Variants in PCDHGA8 observed in about 807,000 individuals in gnomAD.
PCDHGA8 encodes the protein protocadherin gamma-A8.
A neutral mutation model predicts 59.2 loss-of-function variants in PCDHGA8; 45 were observed. The observed-to-expected ratio is 0.76, with a 90% CI of 0.60 to 0.98. The LOEUF (loss-of-function observed/expected upper bound fraction) is 0.98. Ranked by LOEUF, PCDHGA8 falls within the 50% of genes least tolerant of loss-of-function variation. The pLI is 0.00. For synonymous variants in PCDHGA8, 531 were observed against 519.0 expected, an observed-to-expected ratio of 1.02 and a Z score of -0.32; for missense variants, 1,257 against 1,196.2, an observed-to-expected ratio of 1.05 and a Z score of -0.75.
chr5:141,400,515 T>C lies in PCDHGA8; in HGVS notation c.2424+5278T>C, dbSNP rs367864769. On this transcript the variant is annotated intron_variant, in intron 1 of 3. Coordinates refer to ENST00000398604, the MANE Select transcript of PCDHGA8 (RefSeq NM_032088.2). ...GTAATTCCAGCGAGTCGACTTCCCATCCTGAGTTGGTGAGTTTCATTTATG... is the reference window on the plus strand; with the variant it reads ...GTAATTCCAGCGAGTCGACTTCCCACCCTGAGTTGGTGAGTTTCATTTATG... 2,129 of 1,613,988 alleles carry C rather than the reference T, an allele frequency of 1.3e-3. 41 individuals are homozygous for C. In the South Asian group the frequency reaches 0.02, roughly 15 times the overall value.
chr5:141,485,949 T>C lies in PCDHGA8; in HGVS notation c.2425-8858T>C. Reference sequence around the variant, plus strand: ...GTGTTGGAGAGCGCACCAGCGGGCATGGTGCTCATCCAGCTCAATGCCTCA... The same window carrying C: ...GTGTTGGAGAGCGCACCAGCGGGCACGGTGCTCATCCAGCTCAATGCCTCA... On this transcript the variant is annotated intron_variant, in intron 1 of 3. Transcript: ENST00000398604. This position sits in a 1 kb window ranked among gnomAD's most constrained non-coding sequence, Gnocchi z 5.7. 2 of 1,614,178 alleles carry C rather than the reference T, an allele frequency of 1.2e-6. No individual in the cohort carries two copies.
rs1191643556 is a variant in PCDHGA8, at chr5:141,486,302, C to T, written c.2425-8505C>T. The T allele has an allele frequency of 2.5e-6, 4 of 1,613,918 alleles. No individual in the cohort carries two copies. The highest frequency in any genetic ancestry group is 3.4e-6 in the Non-Finnish European group (4 of 1,180,002). Reference sequence around the variant, plus strand: ...GGTGGCACTTATCAGTGTGCAGGATCCAGACTCAGGGTCAAACGGAGATGT... The same window carrying T: ...GGTGGCACTTATCAGTGTGCAGGATTCAGACTCAGGGTCAAACGGAGATGT... On this transcript the variant is annotated intron_variant, in intron 1 of 3. Coordinates refer to ENST00000398604, the MANE Select transcript of PCDHGA8 (RefSeq NM_032088.2). This position sits in a 1 kb window ranked among gnomAD's most constrained non-coding sequence, Gnocchi z 5.0.
Position 141,393,882 on chromosome 5 carries a change from T to G in PCDHGA8, c.1069T>G (p.Leu357Val), listed in dbSNP as rs1471060639. Residue 357 changes from leucine to valine, a missense_variant, in exon 1 of 4, where the codon TTA becomes GTA. Coordinates refer to ENST00000398604, the MANE Select transcript of PCDHGA8 (RefSeq NM_032088.2). ...CATTACGTCTTTGTTTAGCCCAGTG[T>G]TAGAAAATTCTCTTCCCGGGACAGT... is the stretch of plus-strand genomic sequence containing the variant. Reference protein sequence around the residue: ...VIITSLFSPVLENSLPGTVIA... With the variant: ...VIITSLFSPVVENSLPGTVIA... The G allele has an allele frequency of 6.2e-7, 1 of 1,614,028 alleles. No homozygotes were observed. Among genetic ancestry groups the G allele is most frequent in the South Asian group, 1.1e-5 (1 of 91,088 alleles).
At chr5:141,449,198 A>C (rs2098631518) in intron 1 of PCDHGA8, among the ~76,000 whole-genome samples, 1 of 152,188 alleles carries the variant, frequency 6.6e-6, no homozygotes, top group Non-Finnish European at 1.5e-5. Context: ...AAGAAGTGTT[A>C]ATTCTAACTT....
chr5:141,460,608 T>A (rs2098993153), intron 1 of PCDHGA8, among the ~76,000 whole-genome samples: 1 of 152,186 alleles, frequency 6.6e-6, no homozygotes, highest in Non-Finnish European at 1.5e-5. Context: ...CTGTGTTAGA[T>A]GGATAGATAG....
chr5:141,470,870 G>GT (rs1230952624), intron 1 of PCDHGA8, among the ~76,000 whole-genome samples: 1 of 151,546 alleles, frequency 6.6e-6, no homozygotes, highest in Non-Finnish European at 1.5e-5. Context: ...TTGTTTGTTT[G>GT]TTTTTTTGTT....
intron 1 of PCDHGA8, among the ~76,000 whole-genome samples, chr5:141,401,573 G>A (rs372919699): frequency 4.6e-5 from 7 of 152,128 alleles, no homozygotes; most frequent in East Asian, 3.9e-4. Context: ...TCTCTTGCTC[G>A]GAATCCTGAC....
chr5:141,510,553 A>C (rs1471878583), intron 3 of PCDHGA8, among the ~76,000 whole-genome samples: 1 of 152,162 alleles, frequency 6.6e-6, no homozygotes, highest in African/African-American at 2.4e-5. Context: ...TGTTTTGAGC[A>C]CTTACATCTA....
At chr5:141,496,588 C>T (rs775641672) in intron 2 of PCDHGA8, among the ~76,000 whole-genome samples, 9 of 152,280 alleles carry the variant, frequency 5.9e-5, no homozygotes, top group Non-Finnish European at 1.0e-4. Context: ...GAACGCAAAG[C>T]GCTTCTTAGA....
chr5:141,456,748 A>C (rs1448893002), intron 1 of PCDHGA8, among the ~76,000 whole-genome samples: 1 of 151,852 alleles, frequency 6.6e-6, no homozygotes, highest in Non-Finnish European at 1.5e-5. Context: ...GAGCATCATG[A>C]GGTCAGGAGT....
chr5:141,478,378 G>C, intron 1 of PCDHGA8: 1 of 1,613,558 alleles, frequency 6.2e-7, no homozygotes, highest in Non-Finnish European at 8.5e-7. Flanking sequence ...TGATGTCGCC[G>C]CACCTTTACC....
At chr5:141,454,838 C>G (rs1472341694) in intron 1 of PCDHGA8, among the ~76,000 whole-genome samples, 1 of 100,816 alleles carries the variant, frequency 9.9e-6, no homozygotes, top group South Asian at 3.5e-4. Flanking sequence ...GACAGAGTCG[C>G]GCTCTGTCAC....
chr5:141,402,915 C>G (rs1232523303), intron 1 of PCDHGA8: 2 of 1,564,688 alleles, frequency 1.3e-6, no homozygotes, highest in Admixed American at 1.9e-5. Flanking sequence ...GCAGCGCGCA[C>G]AGAGATCCTT....
chr5:141,455,822 CCCCTTTTCCTGT>C (rs2098832641), intron 1 of PCDHGA8, among the ~76,000 whole-genome samples: 2 of 151,688 alleles, frequency 1.3e-5, no homozygotes, highest in African/African-American at 4.8e-5. Flanking sequence ...TTCCCAAGGA[CCCCTTTTCCTGT>C]CTATCTGCAT....
intron 1 of PCDHGA8, chr5:141,419,430 A>T: frequency 1.2e-6 from 2 of 1,613,318 alleles, no homozygotes; most frequent in Non-Finnish European, 1.7e-6. Flanking sequence ...GACCACGAGC[A>T]GCTGCGCACC....
chr5:141,442,779 A>G (rs1453800627), intron 1 of PCDHGA8, among the ~76,000 whole-genome samples: 1 of 152,160 alleles, frequency 6.6e-6, no homozygotes, highest in Non-Finnish European at 1.5e-5. Context: ...GTTTGATTAT[A>G]TTTTATAATT....
intron 1 of PCDHGA8, chr5:141,397,913 G>C (rs1429104427): frequency 1.4e-6 from 1 of 691,886 alleles, no homozygotes; most frequent in African/African-American, 1.8e-5. Flanking sequence ...TGGCGCTCCA[G>C]ATCTCCTCGC....
rs1419819549 is a variant in PCDHGA8 at position 141,405,132 on chromosome 5, C to T, written c.2424+9895C>T. ...TGGCACTCCTCGCATCTGCTGCGGG[C>T]TACCAGTGATGGGTTGGCTGGTGTG... On this transcript the variant is annotated intron_variant, in intron 1 of 3. Transcript: ENST00000398604. 2 of 1,614,032 alleles carry T rather than the reference C, an allele frequency of 1.2e-6. No individual in the cohort carries two copies. Among genetic ancestry groups the T allele is most frequent in the East Asian group, 4.5e-5 (2 of 44,860 alleles).
chr5:141,479,801 G>A (rs2099507037), intron 1 of PCDHGA8, among the ~76,000 whole-genome samples: 1 of 152,118 alleles, frequency 6.6e-6, no homozygotes, highest in Non-Finnish European at 1.5e-5. Flanking sequence ...AATTCAGGGT[G>A]GTATGCAAGG....
Sources: gnomAD v4.1 joint callset for allele counts (sites outside exome capture counted in the v4.1 genomes callset) on GRCh38, gnomAD v4.1.1 for gene constraint, Gnocchi (gnomAD v3.1) non-coding constraint, MANE v1.5 for transcripts, NCBI Gene and HGNC (gene_info 2026-07-23, HGNC 2026-07-21) for gene names.